Variants in CHRNA4 observed in about 807,000 individuals in gnomAD.
The protein encoded by CHRNA4 is cholinergic receptor nicotinic alpha 4 subunit.
In CHRNA4, 28 loss-of-function variants were observed where a neutral mutation model predicts 48.9. The observed-to-expected ratio is 0.57, with a 90% CI of 0.42 to 0.79. CHRNA4 has a LOEUF of 0.79. CHRNA4 is among the 30% of genes least tolerant of loss of function. The probability of loss-of-function intolerance (pLI) is 0.00; values close to 1 mark genes in which losing one functional copy is unlikely to be tolerated. For missense variants in CHRNA4, 859 were observed against 898.4 expected (o/e 0.96, Z 0.56); for synonymous variants, 425 against 402.3 (o/e 1.06, Z -0.68).
At position 63,350,223 on chromosome 20, in the gene CHRNA4, G is replaced by A. The variant is rs201164674; in HGVS notation, c.1188C>T (p.Ser396=). 3.8e-5 allele frequency: 61 copies of A among 1,607,010 alleles called. No individual in the cohort carries two copies. The highest frequency in any genetic ancestry group is 1.6e-4 in the Middle Eastern group (1 of 6,074). ...AGGGCGGGTGCAGGCTCTGGGTGCCGCTCGTGGCAGGGGGCTCCCCTTCTG... is the reference window on the plus strand; with the variant it reads ...AGGGCGGGTGCAGGCTCTGGGTGCCACTCGTGGCAGGGGGCTCCCCTTCTG... The part of the protein sequence containing the change: ...PEPEGEPPAT[S]GTQSLHPPSP... Residue 396 remains serine, a synonymous_variant, in exon 5 of 6, where the codon AGC becomes AGT. Transcript: ENST00000370263.
In CHRNA4 at chr20:63,345,566, G is replaced by A; in HGVS notation, c.*1172C>T. Reference sequence around the variant, plus strand: ...TCTGGATACCGCCTGCAGGGGTGAGGCTGTGCTGAGCTCTGCCTGCCCTGC... The same window carrying A: ...TCTGGATACCGCCTGCAGGGGTGAGACTGTGCTGAGCTCTGCCTGCCCTGC... On this transcript the variant is annotated 3_prime_UTR_variant, in exon 6 of 6. Transcript: ENST00000370263. The surrounding 1 kb of genome is among the most constrained non-coding windows in gnomAD (Gnocchi z 5.4). 2.3e-6 allele frequency: 1 copy of A among 439,230 alleles called. No individual in the cohort carries two copies. The highest frequency in any genetic ancestry group is 4.7e-6 in the Non-Finnish European group (1 of 214,934). 27.2% of individuals were successfully genotyped at this position (439,230 alleles called of 1,614,324 possible).
chr20:63,360,748 A>T (rs2068805932), intron 1 of CHRNA4, among the ~76,000 whole-genome samples: 1 of 152,176 alleles, frequency 6.6e-6, no homozygotes, highest in African/African-American at 2.4e-5. Flanking sequence ...GTCTTCAGGG[A>T]AATTTAGCTG....
chr20:63,354,010 G>T lies in CHRNA4; in HGVS notation c.383+1965C>A, dbSNP rs1280401025. Among the ~76,000 whole-genome samples, 28 of 100,526 alleles carry T rather than the reference G, an allele frequency of 2.8e-4. 1 individual carries two copies. Among genetic ancestry groups the T allele is most frequent in the African/African-American group, 1.0e-3 (27 of 25,984 alleles). The allele number at this position is 100,526 out of a possible 152,430, so 65.9% of individuals were successfully genotyped here. A position where few individuals can be genotyped will look rare whatever the true frequency, so the allele number is the denominator to read the frequency against. On this transcript the variant is annotated intron_variant, in intron 4 of 5. Transcript: ENST00000370263. ...GGGGGGCTGTGGTCCTGGCGGGGGG[G>T]CTGCGGTCCTAGGGGTGTTGTAGTC...
Position 63,354,547 on chromosome 20 carries a change from A to T in CHRNA4, c.383+1428T>A, listed in dbSNP as rs566621575. On this transcript the variant is annotated intron_variant, in intron 4 of 5. Coordinates refer to ENST00000370263, the MANE Select transcript of CHRNA4 (RefSeq NM_000744.7). ...GAGCTGTGAACCTGGTGGGGGCTGC[A>T]GTCTTTGGAGGGCCGTGGTCCTGGT... 134 of 853,536 alleles carry T rather than the reference A, an allele frequency of 1.6e-4. No homozygotes were observed. In the African/African-American group the frequency reaches 3.0e-3, roughly 19 times the overall value. The allele number at this position is 853,536 out of a possible 1,614,324, so 52.9% of individuals were successfully genotyped here.
chr20:63,352,741 T>C (rs2068634600), intron 4 of CHRNA4, among the ~76,000 whole-genome samples: 3 of 152,198 alleles, frequency 2.0e-5, no homozygotes, highest in Non-Finnish European at 2.9e-5. Flanking sequence ...CAGGGAACAG[T>C]GCAGGTCTGC....
Position 63,347,242 on chromosome 20 carries a change from C to G in CHRNA4, c.1759-379G>C, listed in dbSNP as rs545854413. Among the ~76,000 whole-genome samples, 196 of 152,358 alleles carry G rather than the reference C, an allele frequency of 1.3e-3. 8 individuals carry two copies. In the South Asian group the frequency reaches 0.039, roughly 30 times the overall value. ...GGGGCTCAGGCACCCCGTGAGCGGTCTGCTCTCAGCTCACCAGCGCTGGGA... is the reference window on the plus strand; with the variant it reads ...GGGGCTCAGGCACCCCGTGAGCGGTGTGCTCTCAGCTCACCAGCGCTGGGA... On this transcript the variant is annotated intron_variant, in intron 5 of 5. Transcript: ENST00000370263.
At chr20:63,355,697 T>G (rs903454076) in intron 4 of CHRNA4, 2 of 905,756 alleles carry the variant, frequency 2.2e-6, no homozygotes, top group African/African-American at 3.3e-5. Flanking sequence ...ATAGCCACTC[T>G]CAGGCCCCTC....
Position 63,361,232 on chromosome 20 carries a change from C to A in CHRNA4, c.-67G>T. 7.0e-7 allele frequency: 1 copy of A among 1,438,042 alleles called. No homozygotes were observed. 89.1% of individuals were successfully genotyped at this position (1,438,042 alleles called of 1,614,324 possible). On this transcript the variant is annotated 5_prime_UTR_variant, in exon 1 of 6. Coordinates refer to ENST00000370263, the MANE Select transcript of CHRNA4 (RefSeq NM_000744.7). ...GCTCCCCGCCGCTTCGAGGCCCGTG[C>A]GCGCCCAACTTCATGCCTCCCGCGC... is the stretch of plus-strand genomic sequence containing the variant.
At chr20:63,348,180 C>A (rs2068525899) in intron 5 of CHRNA4, among the ~76,000 whole-genome samples, 1 of 152,244 alleles carries the variant, frequency 6.6e-6, no homozygotes, top group East Asian at 1.9e-4. Flanking sequence ...CAGCAATCGG[C>A]CCGAGAAGGC....
chr20:63,347,669 G>A (rs1255187885), intron 5 of CHRNA4, among the ~76,000 whole-genome samples: 3 of 152,212 alleles, frequency 2.0e-5, no homozygotes, highest in East Asian at 1.9e-4. Context: ...CCCTCGCCCC[G>A]GCTCCCCCGT....
rs748027182 is a variant in CHRNA4 at position 63,346,798 on chromosome 20, G to A, written c.1824C>T (p.Ile608=). 15 of 1,612,516 alleles carry A rather than the reference G, an allele frequency of 9.3e-6. No individual in the cohort carries two copies. The highest frequency in any genetic ancestry group is 8.8e-5 in the South Asian group (8 of 91,082). The change falls in exon 6 of 6, where the codon ATC becomes ATT. Residue 608 remains isoleucine, a synonymous_variant. Transcript: ENST00000370263. ...IDRIFLWMFI[I]VCLLGTVGLF... Reference sequence around the variant, plus strand: ...GGCCCACCGTCCCCAGCAGGCAGACGATGATGAACATCCAGAGGAAGATGC... The same window carrying A: ...GGCCCACCGTCCCCAGCAGGCAGACAATGATGAACATCCAGAGGAAGATGC...
chr20:63,344,065 A>C lies in CHRNA4; in HGVS notation c.*2673T>G, dbSNP rs1382005394. ...ACAGCTGCAAGCAAAGTCCACTAAC[A>C]GGTGATGGACAAACTGCGTCTTAGT... On this transcript the variant is annotated 3_prime_UTR_variant, in exon 6 of 6. Coordinates refer to ENST00000370263, the MANE Select transcript of CHRNA4 (RefSeq NM_000744.7). This position sits in a 1 kb window ranked among gnomAD's most constrained non-coding sequence, Gnocchi z 4.5. 2 of 454,074 alleles carry C rather than the reference A, an allele frequency of 4.4e-6. No homozygotes were observed. The highest frequency in any genetic ancestry group is 6.9e-5 in the East Asian group (1 of 14,418). The allele number at this position is 454,074 out of a possible 1,614,324, so 28.1% of individuals were successfully genotyped here.
intron 2 of CHRNA4, 93 bp from the exon 3 acceptor site, chr20:63,356,508 C>T (rs529685851): frequency 2.2e-5 from 29 of 1,325,068 alleles, no homozygotes; most frequent in Admixed American, 1.6e-4. Context: ...CACAAGGACA[C>T]GGCCAGGGCA....
chr20:63,351,072 C>A (rs2068590836), intron 4 of CHRNA4, 45 bp from the exon 5 acceptor site: 4 of 1,585,368 alleles, frequency 2.5e-6, no homozygotes, highest in Non-Finnish European at 3.4e-6. Context: ...CACATCCATG[C>A]CCACGTCCAC....
At position 63,343,328 on chromosome 20, in the gene CHRNA4, G is replaced by A. The variant is rs200937902; in HGVS notation, c.*3410C>T. On this transcript the variant is annotated 3_prime_UTR_variant, in exon 6 of 6. Transcript: ENST00000370263. ...AAGCCGGGCGGCCGCACCTGGGCTC[G>A]GCGGGCCACACGGTCGGCGGGGCTT... The A allele has an allele frequency of 4.2e-5, 19 of 449,886 alleles. No homozygotes were observed. Among genetic ancestry groups the A allele is most frequent in the South Asian group, 1.6e-4 (10 of 64,386 alleles). The allele number at this position is 449,886 out of a possible 1,614,324, so 27.9% of individuals were successfully genotyped here. A position where few individuals can be genotyped will look rare whatever the true frequency, so the allele number is the denominator to read the frequency against.
At chr20:63,356,287 G>T in intron 3 of CHRNA4, 84 bp downstream of exon 3, 1 of 1,293,690 alleles carries the variant, frequency 7.7e-7, no homozygotes, top group Non-Finnish European at 1.1e-6. Flanking sequence ...GCAGGGCCAG[G>T]GTGGGGCAGG....
At position 63,359,697 on chromosome 20, in the gene CHRNA4, T is replaced by C; in HGVS notation, c.79A>G (p.Ser27Gly). The change falls in exon 2 of 6, where the codon AGC (serine) becomes GGC (glycine). Residue 27 changes from serine to glycine, a missense_variant and splice_region_variant. Around this residue, in one of 3 missense-constraint regions of CHRNA4, gnomAD observed 342 missense variants for 365.3 expected, o/e 0.94. Transcript: ENST00000370263. Reference sequence around the variant, plus strand: ...TGGGCCCGGGTCTCCACATGGCTGCTGGCTGCGGGGAGAGGCAGGCCAGTG... The same window carrying C: ...TGGGCCCGGGTCTCCACATGGCTGCCGGCTGCGGGGAGAGGCAGGCCAGTG... Reference protein sequence around the residue: ...LLLGTGLLRASSHVETRAHAE... With the variant: ...LLLGTGLLRAGSHVETRAHAE... 6.2e-7 allele frequency: 1 copy of C among 1,610,700 alleles called. No homozygotes were observed. The highest frequency in any genetic ancestry group is 8.5e-7 in the Non-Finnish European group (1 of 1,179,796).
rs1194911512 is a variant in CHRNA4 at position 63,343,276 on chromosome 20, C to T, written c.*3462G>A. 1 of 441,112 alleles carries T rather than the reference C, an allele frequency of 2.3e-6. No homozygotes were observed. 27.3% of individuals were successfully genotyped at this position (441,112 alleles called of 1,614,324 possible). The stretch of plus-strand genomic sequence containing the variant: ...TCTGTGCACACACTGGGAGCACATT[C>T]CAGGGCTTGGCAGACATTGCCTGCA... On this transcript the variant is annotated 3_prime_UTR_variant, in exon 6 of 6. Transcript: ENST00000370263.
intron 2 of CHRNA4, among the ~76,000 whole-genome samples, chr20:63,356,978 G>A (rs868725129): frequency 2.0e-4 from 25 of 123,876 alleles, no homozygotes; most frequent in African/African-American, 7.6e-4. Flanking sequence ...ATCCCCACAG[G>A]ACCACGTCCC....
Sources: gnomAD v4.1 joint callset for allele counts (sites outside exome capture counted in the v4.1 genomes callset) on GRCh38, gnomAD v4.1.1 for gene constraint, gnomAD v4.1.1 regional missense constraint, Gnocchi (gnomAD v3.1) non-coding constraint, MANE v1.5 for transcripts, NCBI Gene and HGNC (gene_info 2026-07-23, HGNC 2026-07-21) for gene names.